Variants in SLC12A5 observed in about 807,000 individuals in gnomAD.
SLC12A5 encodes K-Cl cotransporter 2.
In SLC12A5, 18 loss-of-function variants were observed where a neutral mutation model predicts 124.0. The ratio of observed to expected loss-of-function variants is 0.15; its 90% CI spans 0.10 to 0.22. The LOEUF is 0.22. Among genes scored for constraint, SLC12A5 ranks in the 10% least tolerant of loss-of-function variants. The probability of loss-of-function intolerance (pLI) is 1.00; values close to 1 mark genes in which losing one functional copy is unlikely to be tolerated. For synonymous variants in SLC12A5, 589 were observed against 568.0 expected (o/e 1.04, Z -0.53); for missense variants, 867 against 1,478.7 (o/e 0.59, Z 6.78).
Position 46,036,935 on chromosome 20 carries a change from T to C in SLC12A5, c.481+140T>C, listed in dbSNP as rs554730238. On this transcript the variant is annotated intron_variant, in intron 5 of 25. Transcript: ENST00000243964. ...TGGGCTGTATCTGTTTTCAGCCCTA[T>C]TGGGGGCAGAGGAGGAGGCAGCTCT... 152 of 1,149,724 alleles carry C rather than the reference T, an allele frequency of 1.3e-4. 1 individual carries two copies. The highest frequency in any genetic ancestry group is 4.7e-4 in the African/African-American group (31 of 65,606). The allele number at this position is 1,149,724 out of a possible 1,614,324, so 71.2% of individuals were successfully genotyped here.
At position 46,053,717 on chromosome 20, in the gene SLC12A5, C is replaced by A. The variant is rs771536557; in HGVS notation, c.2679+8C>A. ...GTCGAGGTGGTGGAGATGGTGAGTC[C>A]CCAGGAGACACCGCTGGGGTTCCAC... is the stretch of plus-strand genomic sequence containing the variant. On this transcript the variant is annotated splice_region_variant and intron_variant, in intron 20 of 25. Transcript: ENST00000243964. The surrounding 1 kb of genome is among the most constrained non-coding windows in gnomAD (Gnocchi z 4.7). 8 of 1,570,934 alleles carry A rather than the reference C, an allele frequency of 5.1e-6. No individual in the cohort carries two copies. Among genetic ancestry groups the A allele is most frequent in the Non-Finnish European group, 6.1e-6 (7 of 1,154,290 alleles).
intron 1 of SLC12A5, 46 bp downstream of exon 1, chr20:46,029,442 G>A: frequency 1.3e-6 from 2 of 1,539,648 alleles, no homozygotes; most frequent in South Asian, 1.2e-5. Flanking sequence ...AGCGAGGAGA[G>A]GAGGCAGCTC....
intron 18 of SLC12A5, 101 bp from the exon 19 acceptor site, chr20:46,052,856 G>A (rs1160837447): frequency 1.5e-6 from 2 of 1,318,620 alleles, no homozygotes; most frequent in Admixed American, 2.4e-5. Context: ...GTTGGAGTGG[G>A]GTGGAGTGCT....
chr20:46,041,588 G>T (rs748456171), intron 8 of SLC12A5, 48 bp downstream of exon 8: 1 of 1,601,732 alleles, frequency 6.2e-7, no homozygotes, highest in South Asian at 1.1e-5. Flanking sequence ...TGCAGGGATT[G>T]TAGGTTAAGC....
chr20:46,053,503 G>A lies in SLC12A5; in HGVS notation c.2548-75G>A. ...GTGGGTGGGAAGAGGGGAAGGGTGA[G>A]CGGACAGGGCCTGGCCCTGGATCTC... On this transcript the variant is annotated intron_variant, in intron 19 of 25. Coordinates refer to ENST00000243964, the MANE Select transcript of SLC12A5 (RefSeq NM_020708.5). The surrounding 1 kb of genome is among the most constrained non-coding windows in gnomAD (Gnocchi z 4.7). The A allele has an allele frequency of 3.8e-6, 6 of 1,583,450 alleles. No individual in the cohort carries two copies. Among genetic ancestry groups the A allele is most frequent in the East Asian group, 2.2e-5 (1 of 44,472 alleles).
At chr20:46,029,149 A>G, upstream of SLC12A5, 1 of 1,395,014 alleles carries the variant, frequency 7.2e-7, no homozygotes, top group Non-Finnish European at 9.3e-7. Flanking sequence ...GCCGCTGCTG[A>G]GAGGGGGCGC....
In SLC12A5 at chr20:46,040,516, C is replaced by T. The variant is rs1206373570; in HGVS notation, c.756C>T (p.Val252=). 45 of 1,614,214 alleles carry T rather than the reference C, an allele frequency of 2.8e-5. No homozygotes were observed. Among genetic ancestry groups the T allele is most frequent in the Non-Finnish European group, 3.6e-5 (43 of 1,180,034 alleles). The change falls in exon 7 of 26, where the codon GTC becomes GTT. Residue 252 remains valine, a synonymous_variant. Transcript: ENST00000243964. ...TGGTGTTTGTGGGTGTCAAGTATGT[C>T]AACAAGTTTGCCCTTGTCTTCCTGG... is the stretch of plus-strand genomic sequence containing the variant. ...ATVVFVGVKY[V]NKFALVFLGC...
chr20:46,049,138 A>T (rs1337806195), intron 16 of SLC12A5, among the ~76,000 whole-genome samples: 1 of 152,182 alleles, frequency 6.6e-6, no homozygotes, highest in Admixed American at 6.5e-5. Context: ...GAATTCCCAA[A>T]TGCTCAGCAC....
intron 5 of SLC12A5, 124 bp from the exon 6 acceptor site, chr20:46,037,131 C>A: frequency 1.4e-6 from 2 of 1,388,212 alleles, no homozygotes; most frequent in Non-Finnish European, 1.9e-6. Context: ...CTTTCTAGGG[C>A]TGCAGCCCAT....
In SLC12A5 at chr20:46,040,405, G is replaced by A. The variant is rs1173386400; in HGVS notation, c.645G>A (p.Lys215=). 1.9e-6 allele frequency: 3 copies of A among 1,614,196 alleles called. No homozygotes were observed. Among genetic ancestry groups the A allele is most frequent in the Admixed American group, 3.3e-5 (2 of 60,030 alleles). Residue 215 remains lysine (K), a synonymous_variant, in exon 7 of 26, where the codon AAG becomes AAA. Transcript: ENST00000243964. ...AYLFPAMAIF[K]AEDASGEAAA... ...TCTTCCCAGCCATGGCCATCTTCAA[G>A]GCAGAAGATGCCAGTGGGGAGGCAG...
chr20:46,024,977 G>A (rs1296835884), upstream of SLC12A5, among the ~76,000 whole-genome samples: 2 of 152,244 alleles, frequency 1.3e-5, no homozygotes, highest in Non-Finnish European at 2.9e-5. Flanking sequence ...GTGTCCCCAT[G>A]GAGGGAGAGG....
intron 11 of SLC12A5, 67 bp downstream of exon 11, chr20:46,044,000 C>T: frequency 6.7e-7 from 1 of 1,487,792 alleles, no homozygotes; most frequent in Non-Finnish European, 9.1e-7. Flanking sequence ...TTCTGGGAAA[C>T]AGACCCATCA....
chr20:46,047,658 G>T, intron 15 of SLC12A5, 85 bp downstream of exon 15: 1 of 1,519,916 alleles, frequency 6.6e-7, no homozygotes, highest in Non-Finnish European at 9.0e-7. Flanking sequence ...GAGGGATTGG[G>T]GTGGTGGGGG....
intron 1 of SLC12A5, among the ~76,000 whole-genome samples, chr20:46,022,258 G>T (rs2145464544): frequency 6.6e-6 from 1 of 152,010 alleles, no homozygotes; most frequent in South Asian, 2.1e-4. Flanking sequence ...GGACCAGAGT[G>T]AGGAGGTGGA....
At chr20:46,052,142 A>G (rs1214152807) in intron 18 of SLC12A5, among the ~76,000 whole-genome samples, 5 of 152,212 alleles carry the variant, frequency 3.3e-5, no homozygotes, top group Admixed American at 3.3e-4. Context: ...GGGAAGAGCT[A>G]CAGCTCTGAA....
Position 46,053,513 on chromosome 20 carries a change from C to T in SLC12A5, c.2548-65C>T, listed in dbSNP as rs1215005980. ...AGAGGGGAAGGGTGAGCGGACAGGGCCTGGCCCTGGATCTCCTCATCACAT... is the reference window on the plus strand; with the variant it reads ...AGAGGGGAAGGGTGAGCGGACAGGGTCTGGCCCTGGATCTCCTCATCACAT... On this transcript the variant is annotated intron_variant, in intron 19 of 25. Coordinates refer to ENST00000243964, the MANE Select transcript of SLC12A5 (RefSeq NM_020708.5). This position sits in a 1 kb window ranked among gnomAD's most constrained non-coding sequence, Gnocchi z 4.7. The T allele has an allele frequency of 6.3e-6, 10 of 1,598,844 alleles. No homozygotes were observed. The highest frequency in any genetic ancestry group is 2.2e-5 in the East Asian group (1 of 44,686).
intron 21 of SLC12A5, 183 bp from the exon 22 acceptor site, chr20:46,055,967 G>A: frequency 1.3e-6 from 1 of 770,786 alleles, no homozygotes; most frequent in East Asian, 2.8e-5. Context: ...GTTCTGGAGA[G>A]GAGGTGGGGC....
chr20:46,034,302 G>A (rs1426138933), intron 1 of SLC12A5, among the ~76,000 whole-genome samples: 1 of 152,188 alleles, frequency 6.6e-6, no homozygotes, highest in Non-Finnish European at 1.5e-5. Flanking sequence ...AATCTGGGCT[G>A]GATGCCTCTC....
In SLC12A5 at chr20:46,051,887, C is replaced by G; in HGVS notation, c.2377+17C>G. 8 of 473,148 alleles carry G rather than the reference C, an allele frequency of 1.7e-5. No individual in the cohort carries two copies. Among genetic ancestry groups the G allele is most frequent in the Admixed American group, 3.9e-5 (1 of 25,550 alleles). The allele number at this position is 473,148 out of a possible 1,614,324, so 29.3% of individuals were successfully genotyped here. ...ACTTCATTGGTAACGCTATTGGGGG[C>G]TGGGGACAGAAGAGGGGTGGGGCTG... On this transcript the variant is annotated intron_variant, in intron 18 of 25. Coordinates refer to ENST00000243964, the MANE Select transcript of SLC12A5 (RefSeq NM_020708.5).
Sources: gnomAD v4.1 joint callset for allele counts (sites outside exome capture counted in the v4.1 genomes callset) on GRCh38, gnomAD v4.1.1 for gene constraint, Gnocchi (gnomAD v3.1) non-coding constraint, MANE v1.5 for transcripts, NCBI Gene and HGNC (gene_info 2026-07-23, HGNC 2026-07-21) for gene names.